Variants in COL5A2 observed in about 807,000 individuals in gnomAD.
COL5A2 encodes collagen alpha-2(V) chain.
In COL5A2, 23 loss-of-function variants were observed where a neutral mutation model predicts 208.2. That is an observed-to-expected ratio of 0.11 (90% CI 0.08 to 0.16). COL5A2 has a LOEUF of 0.16. COL5A2 is among the 10% of genes least tolerant of loss of function. The probability of loss-of-function intolerance (pLI) is 1.00; values close to 1 mark genes in which losing one functional copy is unlikely to be tolerated. For synonymous variants in COL5A2, 625 were observed against 628.5 expected, an observed-to-expected ratio of 0.99 and a Z score of 0.08; for missense variants, 1,590 against 1,956.4, an observed-to-expected ratio of 0.81 and a Z score of 3.53.
chr2:189,213,199 T>C (rs560364184), intron 1 of COL5A2, among the ~76,000 whole-genome samples: 5 of 152,130 alleles, frequency 3.3e-5, no homozygotes, highest in African/African-American at 9.6e-5. Flanking sequence ...CTTAACACTA[T>C]ATTTTTAAAA....
the COL5A2 span, among the ~76,000 whole-genome samples, chr2:189,314,869 C>T: frequency 2.6e-5 from 4 of 151,972 alleles, no homozygotes; most frequent in African/African-American, 9.7e-5. Context: ...CACCCTCCTA[C>T]GACTGAACCA....
intron 1 of COL5A2, among the ~76,000 whole-genome samples, chr2:189,189,950 T>C (rs1392880822): frequency 2.6e-5 from 4 of 152,226 alleles, no homozygotes; most frequent in South Asian, 4.1e-4. Flanking sequence ...AACATGTACA[T>C]ATCCATACAC....
the COL5A2 span, among the ~76,000 whole-genome samples, chr2:189,386,748 G>T: frequency 3.9e-5 from 6 of 152,222 alleles, no homozygotes; most frequent in East Asian, 9.7e-4. Context: ...AACTATCAGA[G>T]AAATGCAAAC....
At chr2:189,381,746 G>A in the COL5A2 span, among the ~76,000 whole-genome samples, 1 of 151,970 alleles carries the variant, frequency 6.6e-6, no homozygotes, top group East Asian at 1.9e-4. Flanking sequence ...AATTTAAAAA[G>A]TGAAATAAAA....
At chr2:189,140,254 A>G (rs534617972) in intron 1 of COL5A2, among the ~76,000 whole-genome samples, 1 of 152,292 alleles carries the variant, frequency 6.6e-6, no homozygotes, top group African/African-American at 2.4e-5. Context: ...ATACGATACC[A>G]TATAGGGCAG....
At chr2:189,142,834 G>A (rs1687959731) in intron 1 of COL5A2, among the ~76,000 whole-genome samples, 1 of 151,680 alleles carries the variant, frequency 6.6e-6, no homozygotes, top group African/African-American at 2.4e-5. Context: ...TCAGAATTGT[G>A]TCATTTTTTT....
intron 5 of COL5A2, chr2:189,097,557 A>G (rs1686947040): frequency 4.4e-6 from 3 of 676,008 alleles, no homozygotes; most frequent in Admixed American, 2.0e-5. Flanking sequence ...CTAGGTGCAC[A>G]TTATGGCATC....
chr2:189,425,736 C>T, the COL5A2 span, among the ~76,000 whole-genome samples: 1 of 152,172 alleles, frequency 6.6e-6, no homozygotes, highest in Non-Finnish European at 1.5e-5. Context: ...GAATGGTTTA[C>T]ATCATCCCCC....
the COL5A2 span, among the ~76,000 whole-genome samples, chr2:189,344,048 T>C: frequency 6.6e-6 from 1 of 152,222 alleles, no homozygotes; most frequent in Non-Finnish European, 1.5e-5. Flanking sequence ...CCACTATTTA[T>C]AAGCCAATTT....
At chr2:189,079,135 T>C in intron 14 of COL5A2, 28 bp from the exon 15 acceptor site, 1 of 1,584,564 alleles carries the variant, frequency 6.3e-7, no homozygotes, top group Non-Finnish European at 8.7e-7. Context: ...TACATTACAG[T>C]ATGAGAAGCC....
chr2:189,379,404 T>A, the COL5A2 span, among the ~76,000 whole-genome samples: 3 of 152,190 alleles, frequency 2.0e-5, no homozygotes, highest in Admixed American at 6.5e-5. Context: ...ACTTTTGCTT[T>A]CCATAGGCAT....
chr2:189,236,938 T>C, the COL5A2 span, among the ~76,000 whole-genome samples: 1 of 152,002 alleles, frequency 6.6e-6, no homozygotes, highest in Non-Finnish European at 1.5e-5. Context: ...CAGTATGTAT[T>C]ACTCCAGAAT....
chr2:189,227,013 C>T (rs1689429575), upstream of COL5A2, among the ~76,000 whole-genome samples: 1 of 151,420 alleles, frequency 6.6e-6, no homozygotes, highest in African/African-American at 2.4e-5. Context: ...CTAGCAAATT[C>T]TTCTAAACAG....
rs1272843185 is a variant in COL5A2 at position 189,064,672 on chromosome 2, C to T, written c.1618-17G>A. On this transcript the variant is annotated splice_polypyrimidine_tract_variant and intron_variant, in intron 24 of 53. Transcript: ENST00000374866. ...TTGAGCACCCTGTACCGAGGCAAAGCAGATGCATGAAGAAAAAGAGTATAG... is the reference window on the plus strand; with the variant it reads ...TTGAGCACCCTGTACCGAGGCAAAGTAGATGCATGAAGAAAAAGAGTATAG... 5.9e-6 allele frequency: 9 copies of T among 1,533,324 alleles called. No individual in the cohort carries two copies. The highest frequency in any genetic ancestry group is 8.1e-6 in the Non-Finnish European group (9 of 1,106,736). The allele number at this position is 1,533,324 out of a possible 1,614,324, so 95.0% of individuals were successfully genotyped here.
the COL5A2 span, among the ~76,000 whole-genome samples, chr2:189,233,975 T>TG: frequency 1.3e-5 from 2 of 151,752 alleles, no homozygotes; most frequent in South Asian, 4.1e-4. Context: ...TTTTAATGAT[T>TG]GTTTTATTTT....
chr2:189,046,881 T>C (rs1049935991), intron 45 of COL5A2, among the ~76,000 whole-genome samples: 1 of 151,944 alleles, frequency 6.6e-6, no homozygotes, highest in African/African-American at 2.4e-5. Context: ...CCCAGCACTT[T>C]GGGAGGCCAA....
intron 12 of COL5A2, among the ~76,000 whole-genome samples, chr2:189,082,777 GC>G (rs1477404749): frequency 6.6e-6 from 1 of 152,180 alleles, no homozygotes; most frequent in African/African-American, 2.4e-5. Context: ...CCCATGGAGG[GC>G]CCACACTGTG....
the COL5A2 span, among the ~76,000 whole-genome samples, chr2:189,379,213 T>C: frequency 1.3e-5 from 2 of 152,136 alleles, no homozygotes; most frequent in African/African-American, 4.8e-5. Flanking sequence ...TATAGATGGA[T>C]TACACAGTCT....
At chr2:189,208,331 C>A (rs1689167921) in intron 1 of COL5A2, among the ~76,000 whole-genome samples, 1 of 152,192 alleles carries the variant, frequency 6.6e-6, no homozygotes. Context: ...TCCATACACA[C>A]TTGATTTGAA....
Sources: allele counts gnomAD v4.1 joint callset (sites outside exome capture counted in the v4.1 genomes callset), GRCh38; gene constraint gnomAD v4.1.1; transcripts MANE v1.5; gene names NCBI Gene and HGNC (gene_info 2026-07-23, HGNC 2026-07-21).